The following KIAA0408 variants were observed in gnomAD, a reference collection of about 807,000 sequenced individuals.
The protein encoded by KIAA0408 is uncharacterized protein KIAA0408.
KIAA0408 carries 51 observed loss-of-function variants against 60.9 expected under a neutral mutation model. The ratio of observed to expected loss-of-function variants is 0.84; its 90% CI spans 0.67 to 1.06. The LOEUF (loss-of-function observed/expected upper bound fraction) is 1.06. Ranked by LOEUF, KIAA0408 falls within the 50% of genes least tolerant of loss-of-function variation. KIAA0408 has a pLI of 0.00. For synonymous variants in KIAA0408, 304 were observed against 282.4 expected (o/e 1.08, Z -0.77); for missense variants, 787 against 833.9 (o/e 0.94, Z 0.69).
In KIAA0408 at chr6:127,446,773, A is replaced by G; in HGVS notation, c.1546T>C (p.Ser516Pro). The change falls in exon 5 of 6, where the codon TCC becomes CCC. Residue 516 changes from serine to proline, a missense_variant. Coordinates refer to ENST00000483725, the MANE Select transcript of KIAA0408 (RefSeq NM_014702.5). Reference protein sequence around the residue: ...ENVPDNPTKKSTTGLVRQMQG... With the variant: ...ENVPDNPTKKPTTGLVRQMQG... Reference sequence around the variant, plus strand: ...ATTTGTCTTACTAGGCCTGTTGTGGATTTCTTGGTGGGATTATCAGGCACA... The same window carrying G: ...ATTTGTCTTACTAGGCCTGTTGTGGGTTTCTTGGTGGGATTATCAGGCACA... The G allele has an allele frequency of 6.2e-7, 1 of 1,613,730 alleles. No homozygotes were observed.
rs545899294 is a variant in KIAA0408 at position 127,447,317 on chromosome 6, A to G, written c.1002T>C (p.Gly334=). 1 of 1,613,858 alleles carries G rather than the reference A, an allele frequency of 6.2e-7. No homozygotes were observed. The highest frequency in any genetic ancestry group is 8.5e-7 in the Non-Finnish European group (1 of 1,179,934). Residue 334 remains glycine, a synonymous_variant, in exon 5 of 6, where the codon GGT becomes GGC. Transcript: ENST00000483725. ...CTGGTACCAAAGAGGAAAAGATGATACCATCTTTCGAAGTTTTCCCTTCAT... is the reference window on the plus strand; with the variant it reads ...CTGGTACCAAAGAGGAAAAGATGATGCCATCTTTCGAAGTTTTCCCTTCAT... ...YPNEGKTSKD[G]IIFSSLVPEV...
chr6:127,453,877 T>C lies in KIAA0408; in HGVS notation c.105A>G (p.Gln35=). The part of the protein sequence containing the change: ...FDNERKEWES[Q]WKIMQKKIEE... ...CTATTTTCTTCTGCATAATCTTCCA[T>C]TGACTTTCCCATTCCTTTCTTTCAT... is the stretch of plus-strand genomic sequence containing the variant. Residue 35 remains glutamine (Q), a synonymous_variant, in exon 2 of 6, where the codon CAA becomes CAG. Coordinates refer to ENST00000483725, the MANE Select transcript of KIAA0408 (RefSeq NM_014702.5). 3.1e-6 allele frequency: 5 copies of C among 1,612,840 alleles called. No homozygotes were observed. Among genetic ancestry groups the C allele is most frequent in the Non-Finnish European group, 4.2e-6 (5 of 1,179,170 alleles).
At position 127,444,135 on chromosome 6, in the gene KIAA0408, G is replaced by C. The variant is rs1278570651; in HGVS notation, c.2059C>G (p.Leu687Val). 3.1e-6 allele frequency: 5 copies of C among 1,614,024 alleles called. No individual in the cohort carries two copies. The highest frequency in any genetic ancestry group is 4.2e-6 in the Non-Finnish European group (5 of 1,179,970). Reference sequence around the variant, plus strand: ...TAAACCATCAATGCTTCGGATCGCAGAGAAATGGTATAGTTGTGGGTAGTT... The same window carrying C: ...TAAACCATCAATGCTTCGGATCGCACAGAAATGGTATAGTTGTGGGTAGTT... ...RRTTHNYTIS[L>V]RSEALMV The change falls in exon 6 of 6, where the codon CTG (leucine) becomes GTG (valine). Residue 687 changes from leucine to valine, a missense_variant. By Grantham distance (32) the Leu-to-Val change is conservative. Transcript: ENST00000483725.
chr6:127,446,488 C>T lies in KIAA0408; in HGVS notation c.1831G>A (p.Glu611Lys). Residue 611 changes from glutamate (E) to lysine (K), a missense_variant, in exon 5 of 6, where the codon GAA becomes AAA. Transcript: ENST00000483725. The part of the protein sequence containing the change: ...LSQHLEMLQM[E>K]QQFQQKTAVW... ...GCTGTCTTTTGCTGAAACTGTTGTT[C>T]CATTTGGAGCATTTCTAAATGCTGA... 6.2e-7 allele frequency: 1 copy of T among 1,614,074 alleles called. No individual in the cohort carries two copies. The highest frequency in any genetic ancestry group is 1.6e-4 in the Middle Eastern group (1 of 6,062).
rs1463905711 is a variant in KIAA0408, at chr6:127,443,889, G to A, written c.*220C>T. 3 of 521,540 alleles carry A rather than the reference G, an allele frequency of 5.8e-6. No homozygotes were observed. The highest frequency in any genetic ancestry group is 6.9e-5 in the East Asian group (2 of 29,146). The allele number at this position is 521,540 out of a possible 1,614,324, so 32.3% of individuals were successfully genotyped here. A position where few individuals can be genotyped will look rare whatever the true frequency, so the allele number is the denominator to read the frequency against. ...ATTGTACATTGTTTCAACTTATATTGTATTGGAAAACTAATGAGGATGGCA... is the reference window on the plus strand; with the variant it reads ...ATTGTACATTGTTTCAACTTATATTATATTGGAAAACTAATGAGGATGGCA... On this transcript the variant is annotated 3_prime_UTR_variant, in exon 6 of 6. Transcript: ENST00000483725.
Position 127,443,911 on chromosome 6 carries a change from G to A in KIAA0408, c.*198C>T. 1.8e-6 allele frequency: 1 copy of A among 556,846 alleles called. No homozygotes were observed. The highest frequency in any genetic ancestry group is 2.2e-5 in the South Asian group (1 of 46,322). 34.5% of individuals were successfully genotyped at this position (556,846 alleles called of 1,614,324 possible). ...ATTGTATTGGAAAACTAATGAGGAT[G>A]GCATTAAAAAATTCTGATCTAAGAA... On this transcript the variant is annotated 3_prime_UTR_variant, in exon 6 of 6. Transcript: ENST00000483725.
rs1773220485 is a variant in KIAA0408 at position 127,447,408 on chromosome 6, C to T, written c.911G>A (p.Arg304Gln). 4 of 1,613,378 alleles carry T rather than the reference C, an allele frequency of 2.5e-6. No individual in the cohort carries two copies. Among genetic ancestry groups the T allele is most frequent in the Middle Eastern group, 1.7e-4 (1 of 6,048 alleles). ...DHNSWVPHEG[R>Q]SKRNYNPHFP... ...GTGAGGGTTGTAATTCCTTTTACTTCGACCCTCATGGGGCACCCAGCTGTT... is the reference window on the plus strand; with the variant it reads ...GTGAGGGTTGTAATTCCTTTTACTTTGACCCTCATGGGGCACCCAGCTGTT... The change falls in exon 5 of 6, where the codon CGA (arginine) becomes CAA (glutamine). Residue 304 changes from arginine (R) to glutamine (Q), a missense_variant. By Grantham distance (43) the Arg-to-Gln change is conservative (BLOSUM62 1). Coordinates refer to ENST00000483725, the MANE Select transcript of KIAA0408 (RefSeq NM_014702.5).
intron 5 of KIAA0408, among the ~76,000 whole-genome samples, chr6:127,446,063 A>G (rs9968805): frequency 0.44 from 66,801 of 152,058 alleles, 17,294 homozygotes; most frequent in Non-Finnish European, 0.59. Context: ...CTTAAAAAAG[A>G]ACCTTTAAAA....
intron 1 of KIAA0408, among the ~76,000 whole-genome samples, chr6:127,454,875 G>C (rs1021246784): frequency 3.3e-5 from 5 of 152,072 alleles, no homozygotes; most frequent in African/African-American, 1.2e-4. Context: ...ACATTAAGTA[G>C]TGACTGAAAT....
chr6:127,455,435 C>A (rs1773375646), intron 1 of KIAA0408, among the ~76,000 whole-genome samples: 1 of 152,128 alleles, frequency 6.6e-6, no homozygotes, highest in Non-Finnish European at 1.5e-5. Context: ...AAATATCGAA[C>A]ACTAATTTTA....
chr6:127,456,103 A>G (rs1158965233), intron 1 of KIAA0408, among the ~76,000 whole-genome samples: 2 of 152,192 alleles, frequency 1.3e-5, no homozygotes, highest in Non-Finnish European at 2.9e-5. Context: ...TGCTGACTAG[A>G]AAGTATTTGC....
At position 127,444,114 on chromosome 6, in the gene KIAA0408, C is replaced by CTAA. The variant is rs758258552; in HGVS notation, c.2079_2080insTTA (p.Met693_Val694insLeu). 4 of 1,613,868 alleles carry CTAA rather than the reference C, an allele frequency of 2.5e-6. No individual in the cohort carries two copies. The highest frequency in any genetic ancestry group is 1.3e-5 in the African/African-American group (1 of 75,022). ...TAGCAATCCAGGCCAAAGACTTAAA[C>CTAA]CATCAATGCTTCGGATCGCAGAGAA... is the stretch of plus-strand genomic sequence containing the variant. On this transcript the variant is annotated inframe_insertion, in exon 6 of 6. Transcript: ENST00000483725.
intron 1 of KIAA0408, among the ~76,000 whole-genome samples, chr6:127,457,998 A>G (rs1284871281): frequency 6.6e-6 from 1 of 152,184 alleles, no homozygotes; most frequent in Non-Finnish European, 1.5e-5. Flanking sequence ...TTTGCTAAAC[A>G]TATCACTTTT....
chr6:127,457,569 A>G (rs917829412), intron 1 of KIAA0408, among the ~76,000 whole-genome samples: 2 of 152,132 alleles, frequency 1.3e-5, no homozygotes, highest in Admixed American at 1.3e-4. Flanking sequence ...ACACACCCCA[A>G]CTCTAAACCA....
rs1773093044 is a variant in KIAA0408 at position 127,440,665 on chromosome 6, A to G, written c.*3444T>C. ...TACATGTACTTGCTACTTAAGAAAA[A>G]CATGCCGAATTTAAAGCAAATAGTA... On this transcript the variant is annotated 3_prime_UTR_variant, in exon 6 of 6. Coordinates refer to ENST00000483725, the MANE Select transcript of KIAA0408 (RefSeq NM_014702.5). The G allele has an allele frequency of 1.3e-5, 2 of 151,308 alleles. 1 individual carries two copies. The highest frequency in any genetic ancestry group is 4.2e-4 in the South Asian group (2 of 4,796). 9.4% of individuals were successfully genotyped at this position (151,308 alleles called of 1,614,324 possible).
At position 127,442,580 on chromosome 6, in the gene KIAA0408, G is replaced by A. The variant is rs1033833883; in HGVS notation, c.*1529C>T. On this transcript the variant is annotated 3_prime_UTR_variant, in exon 6 of 6. Transcript: ENST00000483725. ...CGAAACTGTCCTTACAGTAAAGTATGAATCTAGACATCACCATGCTACAGT... is the reference window on the plus strand; with the variant it reads ...CGAAACTGTCCTTACAGTAAAGTATAAATCTAGACATCACCATGCTACAGT... 1 of 152,168 alleles carries A rather than the reference G, an allele frequency of 6.6e-6. No homozygotes were observed. The highest frequency in any genetic ancestry group is 1.5e-5 in the Non-Finnish European group (1 of 68,028). 9.4% of individuals were successfully genotyped at this position (152,168 alleles called of 1,614,324 possible).
At chr6:127,449,714 A>G in intron 4 of KIAA0408, 108 bp downstream of exon 4, 1 of 1,411,308 alleles carries the variant, frequency 7.1e-7, no homozygotes. Context: ...GTACATTTTA[A>G]TAACTCATTA....
rs147857938 is a variant in KIAA0408 at position 127,450,182 on chromosome 6, T to C, written c.306A>G (p.Arg102=). ...AGCTCTGCTCTCTTTTATTTTCTTTTCTCAGACCATCTTTGTGATTCGTCC... is the reference window on the plus strand; with the variant it reads ...AGCTCTGCTCTCTTTTATTTTCTTTCCTCAGACCATCTTTGTGATTCGTCC... ...FIRTNHKDGL[R]KENKREQSLV... The change falls in exon 3 of 6, where the codon AGA becomes AGG. Residue 102 remains arginine, a synonymous_variant. Coordinates refer to ENST00000483725, the MANE Select transcript of KIAA0408 (RefSeq NM_014702.5). 6.9e-3 allele frequency: 11,210 copies of C among 1,614,102 alleles called. 46 individuals are homozygous for C. The highest frequency in any genetic ancestry group is 8.4e-3 in the Non-Finnish European group (9,922 of 1,179,982).
At chr6:127,448,819 G>C (rs574823864) in intron 4 of KIAA0408, among the ~76,000 whole-genome samples, 2 of 152,222 alleles carry the variant, frequency 1.3e-5, no homozygotes, top group South Asian at 4.1e-4. Context: ...TGAAAAATAA[G>C]GGAATGTAGG....
Sources: allele counts gnomAD v4.1 joint callset (sites outside exome capture counted in the v4.1 genomes callset), GRCh38; gene constraint gnomAD v4.1.1; transcripts MANE v1.5; gene names NCBI Gene and HGNC (gene_info 2026-07-23, HGNC 2026-07-21).